IQGAP2: variants seen among roughly 807,000 people sequenced by gnomAD.
IQGAP2 encodes ras GTPase-activating-like protein IQGAP2.
A neutral mutation model predicts 201.3 loss-of-function variants in IQGAP2; 173 were observed. That is an observed-to-expected ratio of 0.86 (90% CI 0.76 to 0.98). IQGAP2 has a LOEUF of 0.98. Among genes scored for constraint, IQGAP2 ranks in the 50% least tolerant of loss-of-function variants. The probability of loss-of-function intolerance (pLI) is 0.00; values close to 1 mark genes in which losing one functional copy is unlikely to be tolerated. For synonymous variants in IQGAP2, 675 were observed against 673.9 expected (o/e 1.00, Z -0.03); for missense variants, 1,687 against 1,864.8 (o/e 0.90, Z 1.76).
chr5:76,458,833 T>C (rs1393357879), intron 1 of IQGAP2, among the ~76,000 whole-genome samples: 2 of 152,204 alleles, frequency 1.3e-5, no homozygotes, highest in Non-Finnish European at 2.9e-5. Context: ...CACAGAGATA[T>C]TTTGGAGCCC....
intron 2 of IQGAP2, among the ~76,000 whole-genome samples, chr5:76,471,376 A>AAAAACAAAAAAAAAAAAAACAAC (rs1755095705): frequency 6.9e-6 from 1 of 144,798 alleles, no homozygotes. Flanking sequence ...AAAAAAAAAA[A>AAAAACAAAAAAAAAAAAAACAAC]AAAAAAAAAA....
At chr5:76,491,111 C>T (rs1370970368) in intron 2 of IQGAP2, among the ~76,000 whole-genome samples, 1 of 151,632 alleles carries the variant, frequency 6.6e-6, no homozygotes, top group Admixed American at 6.6e-5. Context: ...CTCTCACTTC[C>T]TCTACTTCCT....
intron 17 of IQGAP2, among the ~76,000 whole-genome samples, chr5:76,651,364 G>T (rs577253274): frequency 2.0e-5 from 3 of 152,302 alleles, no homozygotes; most frequent in South Asian, 4.1e-4. Flanking sequence ...CACTTTGGGA[G>T]GCCAAGGTAG....
intron 13 of IQGAP2, among the ~76,000 whole-genome samples, chr5:76,620,018 C>A (rs1749480653): frequency 6.6e-6 from 1 of 152,090 alleles, no homozygotes; most frequent in Non-Finnish European, 1.5e-5. Context: ...AGCAAGATAG[C>A]CGATTCTCTC....
chr5:76,590,353 C>A, intron 7 of IQGAP2, 55 bp from the exon 8 acceptor site: 1 of 1,392,812 alleles, frequency 7.2e-7, no homozygotes, highest in Non-Finnish European at 9.9e-7. Context: ...ATGCAACTGT[C>A]CATGTTGTCT....
intron 14 of IQGAP2, among the ~76,000 whole-genome samples, chr5:76,629,978 G>T (rs1055653006): frequency 2.6e-5 from 4 of 152,092 alleles, no homozygotes; most frequent in South Asian, 2.1e-4. Context: ...CAAAGCAAGC[G>T]CATTGAAGTT....
At chr5:76,656,791 T>C (rs1742775890) in intron 20 of IQGAP2, among the ~76,000 whole-genome samples, 1 of 152,164 alleles carries the variant, frequency 6.6e-6, no homozygotes, top group African/African-American at 2.4e-5. Context: ...TAAGCTTCTC[T>C]GGGCTTCAGC....
chr5:76,567,212 G>A lies in IQGAP2; in HGVS notation c.304-3368G>A, dbSNP rs554986406. 1.8e-3 allele frequency among the ~76,000 whole-genome samples: 276 copies of A among 152,222 alleles called. 1 individual carries two copies. The highest frequency in any genetic ancestry group is 6.4e-3 in the African/African-American group (267 of 41,544). On this transcript the variant is annotated intron_variant, in intron 3 of 35. Coordinates refer to ENST00000274364, the MANE Select transcript of IQGAP2 (RefSeq NM_006633.5). ...GCCTCAGTTTCCTCACCTGTGAAGT[G>A]GGAATACAGATTGAATATCCCTAAT...
At chr5:76,454,413 G>A (rs1424008788) in intron 1 of IQGAP2, among the ~76,000 whole-genome samples, 2 of 150,718 alleles carry the variant, frequency 1.3e-5, no homozygotes, top group Non-Finnish European at 3.0e-5. Context: ...TTAGCATTAG[G>A]TATATCTCCT....
intron 2 of IQGAP2, among the ~76,000 whole-genome samples, chr5:76,503,451 A>G (rs534856241): frequency 8.5e-5 from 13 of 152,078 alleles, no homozygotes; most frequent in Admixed American, 7.2e-4. Flanking sequence ...CTGGGATTAC[A>G]GGCATCAGCC....
chr5:76,551,100 C>T lies in IQGAP2; in HGVS notation c.147-11296C>T, dbSNP rs1178146907. On this transcript the variant is annotated intron_variant, in intron 2 of 35. Coordinates refer to ENST00000274364, the MANE Select transcript of IQGAP2 (RefSeq NM_006633.5). Reference sequence around the variant, plus strand: ...CCTCACTTCCCAGACGGGGCGGCTGCGGGGCGGAGGGGCTCCTCACTTCTC... The same window carrying T: ...CCTCACTTCCCAGACGGGGCGGCTGTGGGGCGGAGGGGCTCCTCACTTCTC... Among the ~76,000 whole-genome samples, 9 of 144,488 alleles carry T rather than the reference C, an allele frequency of 6.2e-5. No individual in the cohort carries two copies. In the East Asian group the frequency reaches 1.3e-3, roughly 21 times the overall value. 94.8% of individuals were successfully genotyped at this position (144,488 alleles called of 152,430 possible).
At chr5:76,468,011 A>C (rs1754878774) in intron 2 of IQGAP2, among the ~76,000 whole-genome samples, 1 of 152,178 alleles carries the variant, frequency 6.6e-6, no homozygotes, top group Non-Finnish European at 1.5e-5. Context: ...TGGGCTGATA[A>C]AAATATTCTA....
At chr5:76,490,771 G>A (rs764355349) in intron 2 of IQGAP2, among the ~76,000 whole-genome samples, 1 of 151,858 alleles carries the variant, frequency 6.6e-6, no homozygotes, top group East Asian at 1.9e-4. Flanking sequence ...TTTCAAACAC[G>A]AAAATACCAT....
At chr5:76,423,881 T>C (rs779610783) in intron 1 of IQGAP2, among the ~76,000 whole-genome samples, 10 of 152,208 alleles carry the variant, frequency 6.6e-5, no homozygotes, top group Non-Finnish European at 1.3e-4. Context: ...CAGCACATTC[T>C]GAATAGGGAA....
intron 2 of IQGAP2, among the ~76,000 whole-genome samples, chr5:76,468,430 T>TATTATGACATTATGTCATTATGTCATTA (rs1679689459): frequency 2.6e-5 from 4 of 152,212 alleles, no homozygotes; most frequent in African/African-American, 9.6e-5. Flanking sequence ...TCATTTATGT[T>TATTATGACATTATGTCATTATGTCATTA]TGCTCTGTTA....
rs778995298 is a variant in IQGAP2 at position 76,461,681 on chromosome 5, A to G, written c.146+12A>G. On this transcript the variant is annotated intron_variant, in intron 2 of 35. Coordinates refer to ENST00000274364, the MANE Select transcript of IQGAP2 (RefSeq NM_006633.5). ...GAGGAAGCCAAAAGGTAAGATCCAG[A>G]CTTAGTCTATTTGTGCACCATCTCT... The G allele has an allele frequency of 1.7e-4, 266 of 1,580,600 alleles. No individual in the cohort carries two copies. The highest frequency in any genetic ancestry group is 2.0e-4 in the Non-Finnish European group (231 of 1,149,712).
intron 25 of IQGAP2, 127 bp downstream of exon 25, chr5:76,673,716 C>A: frequency 1.0e-6 from 1 of 994,922 alleles, no homozygotes; most frequent in Non-Finnish European, 1.5e-6. Context: ...TAAAAGATTG[C>A]CTACATTTAC....
chr5:76,570,663 C>G lies in IQGAP2; in HGVS notation c.381+6C>G. 1 of 1,598,810 alleles carries G rather than the reference C, an allele frequency of 6.3e-7. No individual in the cohort carries two copies. Among genetic ancestry groups the G allele is most frequent in the Non-Finnish European group, 8.6e-7 (1 of 1,166,246 alleles). On this transcript the variant is annotated splice_donor_region_variant and intron_variant, in intron 4 of 35. Transcript: ENST00000274364. The stretch of plus-strand genomic sequence containing the variant: ...AGTCTATTGGTCTACCCAAGGTAAG[C>G]CTTCACGCACTGGAATCTGAACTAG...
At chr5:76,672,210 T>C (rs906543532) in intron 24 of IQGAP2, among the ~76,000 whole-genome samples, 1 of 152,204 alleles carries the variant, frequency 6.6e-6, no homozygotes, top group Non-Finnish European at 1.5e-5. Flanking sequence ...CATAATTCTC[T>C]CCCTTGTTTA....
Sources: allele counts gnomAD v4.1 joint callset (sites outside exome capture counted in the v4.1 genomes callset), GRCh38; gene constraint gnomAD v4.1.1; transcripts MANE v1.5; gene names NCBI Gene and HGNC (gene_info 2026-07-23, HGNC 2026-07-21).